The following MED13L variants were observed in gnomAD, a reference collection of about 807,000 sequenced individuals.
MED13L encodes the protein mediator complex subunit 13L.
MED13L carries 7 observed loss-of-function variants against 220.9 expected under a neutral mutation model. That is an observed-to-expected ratio of 0.03 (90% CI 0.02 to 0.06). The LOEUF (loss-of-function observed/expected upper bound fraction) is 0.06, where lower values mean the gene tolerates loss of function less well. Ranked by LOEUF, MED13L falls within the 10% of genes least tolerant of loss-of-function variation. MED13L has a pLI of 1.00. For synonymous variants in MED13L, 1,011 were observed against 1,015.2 expected (o/e 1.00, Z 0.08); for missense variants, 1,965 against 2,760.5 (o/e 0.71, Z 6.46).
intron 2 of MED13L, among the ~76,000 whole-genome samples, chr12:116,182,994 T>C (rs1172770714): frequency 1.3e-5 from 2 of 152,156 alleles, no homozygotes; most frequent in Non-Finnish European, 2.9e-5. Context: ...GCAGTGAATG[T>C]TAATCAAAAG....
intron 1 of MED13L, among the ~76,000 whole-genome samples, chr12:116,260,807 A>C (rs1488283569): frequency 6.6e-6 from 1 of 152,216 alleles, no homozygotes; most frequent in African/African-American, 2.4e-5. Flanking sequence ...CACTGATTTG[A>C]AATTAATATA....
At chr12:116,096,379 A>AAAAAAAAAAAAAAAAAAAAAG in intron 4 of MED13L, among the ~76,000 whole-genome samples, 1 of 145,398 alleles carries the variant, frequency 6.9e-6, no homozygotes, top group South Asian at 2.2e-4. Flanking sequence ...AAAAAAAAAA[A>AAAAAAAAAAAAAAAAAAAAAG]AAGTCAAAGA....
At chr12:116,194,812 T>C (rs1881514302) in intron 2 of MED13L, among the ~76,000 whole-genome samples, 1 of 152,212 alleles carries the variant, frequency 6.6e-6, no homozygotes, top group Non-Finnish European at 1.5e-5. Context: ...AAACCCACCC[T>C]GTTTCAAATA....
At chr12:116,257,945 T>G (rs1593219339) in intron 1 of MED13L, among the ~76,000 whole-genome samples, 3 of 152,188 alleles carry the variant, frequency 2.0e-5, no homozygotes, top group South Asian at 4.1e-4. Context: ...TGTATATTAC[T>G]CCATTAATCT....
chr12:116,221,099 G>T (rs925365232), intron 2 of MED13L, among the ~76,000 whole-genome samples: 4 of 152,254 alleles, frequency 2.6e-5, no homozygotes, highest in East Asian at 1.9e-4. Context: ...TAGCAGCTGG[G>T]AGTGGTGGCT....
At chr12:116,028,231 G>A (rs1308809663) in intron 4 of MED13L, among the ~76,000 whole-genome samples, 1 of 152,082 alleles carries the variant, frequency 6.6e-6, no homozygotes, top group African/African-American at 2.4e-5. Context: ...GAAGATAAGG[G>A]GTTCTATGAA....
chr12:116,189,563 T>C (rs974845260), intron 2 of MED13L, among the ~76,000 whole-genome samples: 3 of 152,204 alleles, frequency 2.0e-5, no homozygotes, highest in Non-Finnish European at 4.4e-5. Flanking sequence ...CTAAGAACTA[T>C]AATCCTAGAT....
At chr12:116,276,247 G>A (rs1873807357) in intron 1 of MED13L, among the ~76,000 whole-genome samples, 1 of 152,156 alleles carries the variant, frequency 6.6e-6, no homozygotes, top group African/African-American at 2.4e-5. Context: ...CAGAAAGAGA[G>A]AGCGCGAGAG....
chr12:116,063,514 T>A (rs1869677760), intron 4 of MED13L, among the ~76,000 whole-genome samples: 1 of 152,142 alleles, frequency 6.6e-6, no homozygotes, highest in East Asian at 1.9e-4. Context: ...CAAGACCCTG[T>A]CTCAAACAAA....
chr12:115,996,556 A>G lies in MED13L; in HGVS notation c.2916T>C (p.Phe972=), dbSNP rs549973023. ...LPLKIPDACL[F]RPSWAIPPKI... is the part of the protein sequence containing the mutation. The stretch of plus-strand genomic sequence containing the variant: ...TAGGAGGAATTGCCCATGAAGGCCG[A>G]AACAGACAGGCATCAGGTATCTTCA... The change falls in exon 16 of 31, where the codon TTT becomes TTC. Residue 972 remains phenylalanine, a synonymous_variant. Coordinates refer to ENST00000281928, the MANE Select transcript of MED13L (RefSeq NM_015335.5). 3 of 1,614,110 alleles carry G rather than the reference A, an allele frequency of 1.9e-6. No individual in the cohort carries two copies. Among genetic ancestry groups the G allele is most frequent in the South Asian group, 1.1e-5 (1 of 91,086 alleles).
intron 2 of MED13L, chr12:116,168,977 AC>A (rs1879483742): frequency 6.6e-6 from 1 of 152,202 alleles, no homozygotes; most frequent in Non-Finnish European, 1.5e-5. Context: ...CACCAGGCCT[AC>A]TGCAGGGGTG....
chr12:116,122,514 C>T (rs747053369), intron 2 of MED13L, among the ~76,000 whole-genome samples: 12 of 152,176 alleles, frequency 7.9e-5, no homozygotes, highest in Admixed American at 4.6e-4. Flanking sequence ...TATTCAGTAT[C>T]ACTTAACAAA....
At chr12:116,030,477 G>T (rs557774226) in intron 4 of MED13L, among the ~76,000 whole-genome samples, 2 of 152,124 alleles carry the variant, frequency 1.3e-5, no homozygotes, top group Admixed American at 1.3e-4. Context: ...AGGCCTAAAA[G>T]TCTTAAATGA....
At chr12:116,166,355 C>T (rs188205827) in intron 2 of MED13L, among the ~76,000 whole-genome samples, 2 of 152,286 alleles carry the variant, frequency 1.3e-5, no homozygotes, top group Non-Finnish European at 1.5e-5. Context: ...ATCTCATCAG[C>T]TTCCAGCAAG....
chr12:116,253,815 A>G lies in MED13L; in HGVS notation c.73-16110T>C, dbSNP rs537826958. On this transcript the variant is annotated intron_variant, in intron 1 of 30. Coordinates refer to ENST00000281928, the MANE Select transcript of MED13L (RefSeq NM_015335.5). ...CACTCTGTCACCCAGGCTGGAGTGC[A>G]GTGGCGCAATACCTGCTTGCTGCAA... is the stretch of plus-strand genomic sequence containing the variant. Among the ~76,000 whole-genome samples, 1,062 of 125,792 alleles carry G rather than the reference A, an allele frequency of 8.4e-3. 14 individuals carry two copies. Among genetic ancestry groups the G allele is most frequent in the African/African-American group, 0.032 (1,026 of 31,988 alleles). 82.5% of individuals were successfully genotyped at this position (125,792 alleles called of 152,430 possible).
intron 2 of MED13L, among the ~76,000 whole-genome samples, chr12:116,129,660 G>A (rs1191466201): frequency 6.6e-6 from 1 of 152,194 alleles, no homozygotes; most frequent in Non-Finnish European, 1.5e-5. Flanking sequence ...TGTAATCCCA[G>A]CACTCTGGGA....
intron 1 of MED13L, among the ~76,000 whole-genome samples, chr12:116,274,291 T>G (rs1873630808): frequency 6.6e-6 from 1 of 152,054 alleles, no homozygotes; most frequent in South Asian, 2.1e-4. Flanking sequence ...TAAGCCATAA[T>G]GAACACCTCA....
chr12:116,223,692 A>C (rs1868669011), intron 2 of MED13L, among the ~76,000 whole-genome samples: 1 of 152,210 alleles, frequency 6.6e-6, no homozygotes, highest in African/African-American at 2.4e-5. Flanking sequence ...CGACAAAAGC[A>C]AAACTCCATC....
At chr12:116,151,849 T>G (rs112498026) in intron 2 of MED13L, among the ~76,000 whole-genome samples, 1,955 of 152,266 alleles carry the variant, frequency 0.013, 23 homozygotes, top group Admixed American at 0.018. Flanking sequence ...TTCAGAGACA[T>G]CGACACTCAA....
Sources: gnomAD v4.1 joint callset for allele counts (sites outside exome capture counted in the v4.1 genomes callset) on GRCh38, gnomAD v4.1.1 for gene constraint, MANE v1.5 for transcripts, NCBI Gene and HGNC (gene_info 2026-07-23, HGNC 2026-07-21) for gene names.